TMEM144: variants seen among roughly 807,000 people sequenced by gnomAD.
TMEM144 encodes transmembrane protein 144.
A neutral mutation model predicts 43.6 loss-of-function variants in TMEM144; 39 were observed. The ratio of observed to expected loss-of-function variants is 0.90; its 90% CI spans 0.69 to 1.17. The LOEUF is 1.17. TMEM144 is among the 50% of genes most tolerant of loss of function. TMEM144 has a pLI of 0.00. For missense variants in TMEM144, 417 were observed against 411.9 expected (o/e 1.01, Z -0.11); for synonymous variants, 154 against 133.6 (o/e 1.15, Z -1.06).
intron 6 of TMEM144, among the ~76,000 whole-genome samples, chr4:158,222,805 G>A (rs1734571629): frequency 6.6e-6 from 1 of 152,236 alleles, no homozygotes; most frequent in South Asian, 2.1e-4. Context: ...CTAAGTGTGT[G>A]ATGTACGGGA....
At chr4:158,242,043 G>A (rs902869775) in intron 11 of TMEM144, among the ~76,000 whole-genome samples, 3 of 152,140 alleles carry the variant, frequency 2.0e-5, no homozygotes, top group African/African-American at 7.2e-5. Flanking sequence ...TTCTTGTTTT[G>A]AGTTAGAATA....
intron 6 of TMEM144, among the ~76,000 whole-genome samples, chr4:158,228,552 C>T (rs1734893459): frequency 6.6e-6 from 1 of 152,198 alleles, no homozygotes; most frequent in Admixed American, 6.5e-5. Context: ...CGTCGATCCT[C>T]CACAGGGGCC....
intron 12 of TMEM144, among the ~76,000 whole-genome samples, chr4:158,244,626 C>T (rs912445478): frequency 1.3e-5 from 2 of 152,066 alleles, no homozygotes; most frequent in East Asian, 3.9e-4. Flanking sequence ...GTCAAGATCA[C>T]GCCACTGCCC....
chr4:158,235,395 T>C, intron 7 of TMEM144, 43 bp from the exon 8 acceptor site: 1 of 1,595,390 alleles, frequency 6.3e-7, no homozygotes, highest in Non-Finnish European at 8.6e-7. Flanking sequence ...TGATTATCAA[T>C]TGAATGTTCT....
intron 6 of TMEM144, among the ~76,000 whole-genome samples, chr4:158,229,141 T>C (rs150645789): frequency 0.014 from 2,204 of 152,252 alleles, 29 homozygotes; most frequent in Middle Eastern, 0.024. Context: ...TCCTTGGTTT[T>C]GGGTCTGGTT....
rs79526290 is a variant in TMEM144 at position 158,235,160 on chromosome 4, A to G, written c.496-278A>G. ...TTAAAATATGCAAATGAAACATGAGATAATAAGTTTTATTAGTTTTTATAG... is the reference window on the plus strand; with the variant it reads ...TTAAAATATGCAAATGAAACATGAGGTAATAAGTTTTATTAGTTTTTATAG... On this transcript the variant is annotated intron_variant, in intron 7 of 12. Coordinates refer to ENST00000296529, the MANE Select transcript of TMEM144 (RefSeq NM_018342.5). The G allele has an allele frequency of 3.0e-3, 905 of 306,040 alleles. 12 individuals carry two copies. Among genetic ancestry groups the G allele is most frequent in the African/African-American group, 0.017 (813 of 47,776 alleles). The allele number at this position is 306,040 out of a possible 1,614,324, so 19.0% of individuals were successfully genotyped here. A position where few individuals can be genotyped will look rare whatever the true frequency, so the allele number is the denominator to read the frequency against.
At chr4:158,252,801 C>T (rs1241908818) in intron 12 of TMEM144, among the ~76,000 whole-genome samples, 2 of 142,824 alleles carry the variant, frequency 1.4e-5, no homozygotes, top group East Asian at 4.0e-4. Context: ...GAGGGAGACT[C>T]CGTCTCAAAA....
chr4:158,242,685 G>C (rs542597631), intron 11 of TMEM144, among the ~76,000 whole-genome samples: 1 of 151,986 alleles, frequency 6.6e-6, no homozygotes, highest in African/African-American at 2.4e-5. Context: ...AAGAAAGAAA[G>C]AAAGAAAAAA....
chr4:158,242,515 A>G (rs2111144843), intron 11 of TMEM144, among the ~76,000 whole-genome samples: 1 of 152,290 alleles, frequency 6.6e-6, no homozygotes, highest in African/African-American at 2.4e-5. Flanking sequence ...ATGGTCAATC[A>G]ATTTTATCAG....
At chr4:158,222,226 T>C (rs899568613) in intron 6 of TMEM144, among the ~76,000 whole-genome samples, 1 of 152,232 alleles carries the variant, frequency 6.6e-6, no homozygotes, top group Non-Finnish European at 1.5e-5. Flanking sequence ...ATAGTTGATA[T>C]CTGCCCTACA....
intron 12 of TMEM144, among the ~76,000 whole-genome samples, chr4:158,245,250 G>A (rs1293618432): frequency 1.7e-5 from 2 of 117,074 alleles, no homozygotes; most frequent in Non-Finnish European, 3.6e-5. Context: ...GTGTGTGTGT[G>A]TGTGTGTGTG....
chr4:158,244,327 T>A lies in TMEM144; in HGVS notation c.932T>A (p.Ile311Asn). The part of the protein sequence containing the change: ...GPGFIAAMWG[I>N]FMFKEIKGLQ... ...GGATTTATAGCTGCAATGTGGGGTA[T>A]CTTCATGTTTAAGGAAATAAAGGTA... is the stretch of plus-strand genomic sequence containing the variant. Residue 311 changes from isoleucine to asparagine, a missense_variant, in exon 12 of 13, where the codon ATC (isoleucine) becomes AAC (asparagine). Ile to Asn is a moderately radical substitution (Grantham distance 149). Coordinates refer to ENST00000296529, the MANE Select transcript of TMEM144 (RefSeq NM_018342.5). 6.2e-7 allele frequency: 1 copy of A among 1,608,888 alleles called. No individual in the cohort carries two copies. Among genetic ancestry groups the A allele is most frequent in the East Asian group, 2.2e-5 (1 of 44,578 alleles).
chr4:158,235,359 AAGC>A lies in TMEM144; in HGVS notation c.496-77_496-75del, dbSNP rs530047641. On this transcript the variant is annotated intron_variant, in intron 7 of 12. Transcript: ENST00000296529. ...AAAGCATGTTTGAAAGAGAAGAGAA[AAGC>A]ACTAGAAATATTGTCACCAGTGTGA... 6 of 1,440,836 alleles carry A rather than the reference AAGC, an allele frequency of 4.2e-6. No individual in the cohort carries two copies. In the African/African-American group the frequency reaches 5.6e-5, roughly 13 times the overall value. The allele number at this position is 1,440,836 out of a possible 1,614,324, so 89.3% of individuals were successfully genotyped here. A position where few individuals can be genotyped will look rare whatever the true frequency, so the allele number is the denominator to read the frequency against.
intron 11 of TMEM144, among the ~76,000 whole-genome samples, chr4:158,242,015 T>G (rs1646613447): frequency 6.6e-6 from 1 of 152,236 alleles, no homozygotes; most frequent in African/African-American, 2.4e-5. Flanking sequence ...GACAGAGAGT[T>G]GGTTTTTCTA....
intron 9 of TMEM144, among the ~76,000 whole-genome samples, chr4:158,239,563 T>C (rs1175777629): frequency 6.6e-6 from 1 of 152,252 alleles, no homozygotes; most frequent in Non-Finnish European, 1.5e-5. Context: ...GGTCTCCAGA[T>C]TGATCAATGG....
At chr4:158,222,333 C>A (rs1317816815) in intron 6 of TMEM144, among the ~76,000 whole-genome samples, 1 of 152,184 alleles carries the variant, frequency 6.6e-6, no homozygotes, top group Non-Finnish European at 1.5e-5. Flanking sequence ...CCTTACAGTA[C>A]ATCTATTCAG....
In TMEM144 at chr4:158,240,324, C is replaced by T. The variant is rs570773863; in HGVS notation, c.708C>T (p.Phe236=). The T allele has an allele frequency of 2.4e-5, 39 of 1,613,616 alleles. No homozygotes were observed. The South Asian group carries it at 3.6e-4, about 15-fold the overall frequency. ...ATTTAGACTATGTGTTTGCGCACTT[C>T]AGTGGCATCTTTCTTACAAGTACTG... is the stretch of plus-strand genomic sequence containing the variant. ...QYDLDYVFAH[F]SGIFLTSTVY... Residue 236 remains phenylalanine, a synonymous_variant, in exon 10 of 13, where the codon TTC becomes TTT. Coordinates refer to ENST00000296529, the MANE Select transcript of TMEM144 (RefSeq NM_018342.5).
chr4:158,243,478 G>A lies in TMEM144; in HGVS notation c.901-818G>A, dbSNP rs1247940038. Among the ~76,000 whole-genome samples, 7 of 152,110 alleles carry A rather than the reference G, an allele frequency of 4.6e-5. No homozygotes were observed. In the East Asian group the frequency reaches 7.7e-4, roughly 17 times the overall value. ...ATTTGAAACTCTTCCAGAGTTTCTCGGAGTTTGAAGAGCAATCATAAAAAT... is the reference window on the plus strand; with the variant it reads ...ATTTGAAACTCTTCCAGAGTTTCTCAGAGTTTGAAGAGCAATCATAAAAAT... On this transcript the variant is annotated intron_variant, in intron 11 of 12. Coordinates refer to ENST00000296529, the MANE Select transcript of TMEM144 (RefSeq NM_018342.5).
chr4:158,213,988 T>C (rs1734090111), intron 3 of TMEM144: 1 of 152,242 alleles, frequency 6.6e-6, no homozygotes, highest in African/African-American at 2.4e-5. Flanking sequence ...GAACAACTTA[T>C]AAAATGAAGT....
Sources: allele counts gnomAD v4.1 joint callset (sites outside exome capture counted in the v4.1 genomes callset), GRCh38; gene constraint gnomAD v4.1.1; transcripts MANE v1.5; gene names NCBI Gene and HGNC (gene_info 2026-07-23, HGNC 2026-07-21).